FOXP1: variants seen among roughly 807,000 people sequenced by gnomAD.
FOXP1 encodes the protein forkhead box P1, also known as forkhead box protein P1.
A neutral mutation model predicts 98.2 loss-of-function variants in FOXP1; 15 were observed. That is an observed-to-expected ratio of 0.15 (90% CI 0.10 to 0.24). FOXP1 has a LOEUF of 0.24. Ranked by LOEUF, FOXP1 falls within the 10% of genes least tolerant of loss-of-function variation. The pLI, the probability that FOXP1 is intolerant of heterozygous loss-of-function variation, is 1.00. For missense variants in FOXP1, 633 were observed against 848.5 expected, an observed-to-expected ratio of 0.75 and a Z score of 3.15; for synonymous variants, 371 against 314.5, an observed-to-expected ratio of 1.18 and a Z score of -1.90.
At chr3:71,245,597 T>G (rs1343594020) in intron 5 of FOXP1, among the ~76,000 whole-genome samples, 1 of 99,544 alleles carries the variant, frequency 1.0e-5, no homozygotes, top group Non-Finnish European at 1.8e-5. Flanking sequence ...AAGGTTAAAA[T>G]TACTTGGTCA....
intron 3 of FOXP1, among the ~76,000 whole-genome samples, chr3:71,486,834 A>C (rs1352635724): frequency 6.6e-6 from 1 of 152,246 alleles, no homozygotes; most frequent in Non-Finnish European, 1.5e-5. Flanking sequence ...AATGGAGTTT[A>C]AGTTCCTAGA....
chr3:71,564,042 C>T (rs1418624535), intron 2 of FOXP1, among the ~76,000 whole-genome samples: 1 of 152,220 alleles, frequency 6.6e-6, no homozygotes, highest in Non-Finnish European at 1.5e-5. Context: ...CTTAAGGTTT[C>T]ACTTCCTGTT....
chr3:71,565,100 A>C (rs1431905072), intron 2 of FOXP1, among the ~76,000 whole-genome samples: 2 of 152,202 alleles, frequency 1.3e-5, no homozygotes, highest in African/African-American at 2.4e-5. Context: ...CTTTGTCTCA[A>C]AGAAAAAAGA....
intron 6 of FOXP1, chr3:71,130,401 C>A: frequency 8.1e-7 from 1 of 1,235,926 alleles, no homozygotes; most frequent in South Asian, 1.3e-5. Context: ...GTTGGATCAC[C>A]TTATTTCGCC....
chr3:71,077,138 A>G (rs2053878763), intron 7 of FOXP1, among the ~76,000 whole-genome samples: 1 of 152,244 alleles, frequency 6.6e-6, no homozygotes. Flanking sequence ...AGCAGGGGCA[A>G]ACTTCTAAAA....
In FOXP1 at chr3:70,977,876, G is replaced by A. The variant is rs2107314780; in HGVS notation, c.1300C>T (p.Pro434Ser). The change falls in exon 15 of 21, where the codon CCC becomes TCC. Residue 434 changes from proline (P) to serine (S), a missense_variant. Pro to Ser is a moderately conservative substitution (Grantham distance 74). Transcript: ENST00000649528. Reference sequence around the variant, plus strand: ...TTGTCTGAGTACCGCCTGCGGATGGGTCCCACCGTGTGCATGCTGGTGGTT... The same window carrying A: ...TTGTCTGAGTACCGCCTGCGGATGGATCCCACCGTGTGCATGCTGGTGGTT... ...ITTTSMHTVG[P>S]IRRRYSDKYN... 6.2e-7 allele frequency: 1 copy of A among 1,614,182 alleles called. No individual in the cohort carries two copies. Among genetic ancestry groups the A allele is most frequent in the Non-Finnish European group, 8.5e-7 (1 of 1,180,016 alleles).
chr3:71,437,191 G>A (rs953420229), intron 3 of FOXP1, among the ~76,000 whole-genome samples: 12 of 152,126 alleles, frequency 7.9e-5, no homozygotes, highest in Non-Finnish European at 7.3e-5. Context: ...CAGATTGCTC[G>A]AGCCTAGGAG....
chr3:70,967,685 T>C (rs1325189603), intron 19 of FOXP1, among the ~76,000 whole-genome samples: 1 of 131,034 alleles, frequency 7.6e-6, no homozygotes, highest in African/African-American at 3.4e-5. Context: ...CTACTATTAT[T>C]TGTTTTTTTT....
At chr3:71,069,305 G>C (rs1373772508) in intron 7 of FOXP1, among the ~76,000 whole-genome samples, 1 of 152,186 alleles carries the variant, frequency 6.6e-6, no homozygotes, top group Non-Finnish European at 1.5e-5. Flanking sequence ...TTGTAAGTAT[G>C]ATGAGCTATG....
chr3:71,019,399 T>A (rs2045051852), intron 11 of FOXP1, among the ~76,000 whole-genome samples: 1 of 152,234 alleles, frequency 6.6e-6, no homozygotes. Context: ...GATTTAAACA[T>A]GTTTGTCAAA....
intron 7 of FOXP1, among the ~76,000 whole-genome samples, chr3:71,092,396 A>G (rs1249180155): frequency 2.0e-5 from 3 of 151,892 alleles, no homozygotes; most frequent in East Asian, 3.9e-4. Context: ...AAAAAAGAAA[A>G]CCAGGATGTG....
At chr3:71,130,891 C>G in intron 6 of FOXP1, 1 of 1,378,880 alleles carries the variant, frequency 7.3e-7, no homozygotes, top group African/African-American at 1.4e-5. Flanking sequence ...CGCTCCAGGT[C>G]TGCAAGCAGC....
intron 4 of FOXP1, among the ~76,000 whole-genome samples, chr3:71,307,588 G>C (rs1427716737): frequency 6.6e-6 from 1 of 152,162 alleles, no homozygotes; most frequent in Non-Finnish European, 1.5e-5. Context: ...TAAGGTGTTA[G>C]ATAACCCAGG....
intron 3 of FOXP1, among the ~76,000 whole-genome samples, chr3:71,424,137 T>C (rs139882148): frequency 1.3e-5 from 2 of 152,166 alleles, no homozygotes; most frequent in African/African-American, 4.8e-5. Flanking sequence ...ATGCCAACCT[T>C]TTTCAATAAG....
chr3:71,437,848 G>A (rs889119960), intron 3 of FOXP1, among the ~76,000 whole-genome samples: 1 of 152,138 alleles, frequency 6.6e-6, no homozygotes, highest in Non-Finnish European at 1.5e-5. Context: ...GCCTCAAGAG[G>A]ACAGGGCCCC....
At position 71,065,421 on chromosome 3, in the gene FOXP1, C is replaced by G. The variant is rs56001224; in HGVS notation, c.283-11648G>C. On this transcript the variant is annotated intron_variant, in intron 7 of 20. Coordinates refer to ENST00000649528, the MANE Select transcript of FOXP1 (RefSeq NM_001349338.3). ...AACTGTTCGGCTTCGGGAGGGTACG[C>G]AGGTCTCCTAGGCAGCGCAGAAAAG... is the stretch of plus-strand genomic sequence containing the variant. Among the ~76,000 whole-genome samples the G allele has an allele frequency of 6.2e-3, 947 of 152,350 alleles. 13 individuals are homozygous for G. Among genetic ancestry groups the G allele is most frequent in the African/African-American group, 0.022 (911 of 41,590 alleles).
intron 11 of FOXP1, among the ~76,000 whole-genome samples, chr3:71,022,936 G>A (rs554504985): frequency 2.0e-5 from 3 of 152,208 alleles, no homozygotes; most frequent in South Asian, 2.1e-4. Context: ...AAGGAGTATC[G>A]GTGTCTTCAT....
At chr3:71,179,010 T>TAAA (rs202156226) in intron 6 of FOXP1, among the ~76,000 whole-genome samples, 4 of 128,748 alleles carry the variant, frequency 3.1e-5, no homozygotes, top group South Asian at 2.6e-4. Context: ...GCACTCTGTC[T>TAAA]AAAAAAAAAA....
intron 5 of FOXP1, among the ~76,000 whole-genome samples, chr3:71,284,056 A>C (rs550226546): frequency 6.6e-6 from 1 of 152,216 alleles, no homozygotes; most frequent in Non-Finnish European, 1.5e-5. Flanking sequence ...ATTAAATAAA[A>C]ATTTTTAAAA....
Sources: allele counts gnomAD v4.1 joint callset (sites outside exome capture counted in the v4.1 genomes callset), GRCh38; gene constraint gnomAD v4.1.1; transcripts MANE v1.5; gene names NCBI Gene and HGNC (gene_info 2026-07-23, HGNC 2026-07-21).